Variants in CPNE8 observed in about 807,000 individuals in gnomAD.
The protein encoded by CPNE8 is copine 8.
CPNE8 carries 45 observed loss-of-function variants against 81.5 expected under a neutral mutation model. That is an observed-to-expected ratio of 0.55 (90% confidence interval 0.44 to 0.71). The LOEUF is 0.71. Ranked by LOEUF, CPNE8 falls within the 30% of genes least tolerant of loss-of-function variation. The probability of loss-of-function intolerance (pLI) is 0.00; values close to 1 mark genes in which losing one functional copy is unlikely to be tolerated. For synonymous variants in CPNE8, 252 were observed against 226.3 expected, an observed-to-expected ratio of 1.11 and a Z score of -1.02; for missense variants, 594 against 672.1, an observed-to-expected ratio of 0.88 and a Z score of 1.28.
intron 3 of CPNE8, among the ~76,000 whole-genome samples, chr12:38,856,965 T>A (rs956011353): frequency 6.6e-6 from 1 of 151,212 alleles, no homozygotes; most frequent in Admixed American, 6.6e-5. Context: ...GTATCAGGGT[T>A]TTTTTTTTCA....
chr12:38,897,585 G>A (rs530438489), intron 1 of CPNE8, among the ~76,000 whole-genome samples: 1 of 150,424 alleles, frequency 6.6e-6, no homozygotes, highest in South Asian at 2.1e-4. Context: ...AAAAGTACAG[G>A]AAAAATATTG....
intron 13 of CPNE8, among the ~76,000 whole-genome samples, chr12:38,704,987 A>T (rs1940070342): frequency 7.0e-6 from 1 of 142,426 alleles, no homozygotes; most frequent in Non-Finnish European, 1.5e-5. Flanking sequence ...CACTTTTTTG[A>T]GTATACCTAT....
At chr12:38,678,862 A>G (rs957438336) in intron 16 of CPNE8, among the ~76,000 whole-genome samples, 8 of 151,850 alleles carry the variant, frequency 5.3e-5, no homozygotes, top group African/African-American at 1.7e-4. Flanking sequence ...AAATATCCCC[A>G]TAATACTGAA....
Position 38,653,937 on chromosome 12 carries a change from G to A in CPNE8, c.1640C>T (p.Ser547Leu), listed in dbSNP as rs146804518. 1.5e-5 allele frequency: 25 copies of A among 1,613,546 alleles called. No individual in the cohort carries two copies. The highest frequency in any genetic ancestry group is 2.1e-5 in the Non-Finnish European group (25 of 1,179,930). The change falls in exon 20 of 20, where the codon TCA becomes TTA. Residue 547 changes from serine to leucine, a missense_variant. Ser to Leu is a moderately radical substitution (Grantham distance 145). Transcript: ENST00000331366. Reference protein sequence around the residue: ...SYMRARGIKPSPAPPPYTPPT... With the variant: ...SYMRARGIKPLPAPPPYTPPT... ...TGGGGTGTATGGGGGAGGCGCAGGT[G>A]ATGGCTTGATTCCTCGGGCTCTCAT...
chr12:38,817,384 C>T (rs983154804), intron 6 of CPNE8, among the ~76,000 whole-genome samples: 1 of 152,066 alleles, frequency 6.6e-6, no homozygotes, highest in African/African-American at 2.4e-5. Flanking sequence ...TAGTTGAGCC[C>T]TGTTTATCTC....
intron 13 of CPNE8, among the ~76,000 whole-genome samples, chr12:38,720,104 C>T (rs897704389): frequency 5.9e-5 from 9 of 152,140 alleles, no homozygotes; most frequent in Non-Finnish European, 1.2e-4. Flanking sequence ...ATAAAAGCCT[C>T]AAGAAGCCAG....
intron 6 of CPNE8, among the ~76,000 whole-genome samples, chr12:38,780,570 G>A (rs1315505152): frequency 1.3e-5 from 2 of 152,004 alleles, no homozygotes; most frequent in Non-Finnish European, 2.9e-5. Context: ...AAACGTGAGA[G>A]ATGAAGAATA....
Position 38,704,826 on chromosome 12 carries a change from G to GTATA in CPNE8, c.915-1909_915-1906dup, listed in dbSNP as rs573232937. ...GGACCATCTGTGTGTGTATGTATGT[G>GTATA]TATATATATATATATATATATATAT... On this transcript the variant is annotated intron_variant, in intron 13 of 19. Coordinates refer to ENST00000331366, the MANE Select transcript of CPNE8 (RefSeq NM_153634.3). Among the ~76,000 whole-genome samples, 326 of 50,130 alleles carry GTATA rather than the reference G, an allele frequency of 6.5e-3. 9 individuals carry two copies. Among genetic ancestry groups the GTATA allele is most frequent in the African/African-American group, 0.014 (293 of 21,586 alleles). The allele number at this position is 50,130 out of a possible 152,430, so 32.9% of individuals were successfully genotyped here.
chr12:38,824,493 A>C (rs1290272025), intron 6 of CPNE8, among the ~76,000 whole-genome samples: 1 of 152,130 alleles, frequency 6.6e-6, no homozygotes, highest in Admixed American at 6.5e-5. Context: ...TTACAACACA[A>C]TCGCAATTAA....
chr12:38,828,145 A>G (rs1161606369), intron 6 of CPNE8, among the ~76,000 whole-genome samples: 1 of 152,184 alleles, frequency 6.6e-6, no homozygotes, highest in African/African-American at 2.4e-5. Flanking sequence ...TTAACGACAA[A>G]AAACAAAAGG....
intron 6 of CPNE8, among the ~76,000 whole-genome samples, chr12:38,813,614 G>C (rs1386938522): frequency 6.6e-6 from 1 of 152,182 alleles, no homozygotes; most frequent in East Asian, 1.9e-4. Context: ...GCATAAAGTT[G>C]ACTGTTAAAA....
At chr12:38,769,674 AACATTCTGTATACTT>A (rs1339848962) in intron 7 of CPNE8, among the ~76,000 whole-genome samples, 3 of 152,198 alleles carry the variant, frequency 2.0e-5, no homozygotes, top group African/African-American at 7.2e-5. Context: ...ACTTCCAAGA[AACATTCTGTATACTT>A]ACAATGCATA....
intron 4 of CPNE8, among the ~76,000 whole-genome samples, chr12:38,847,636 CT>C (rs1417507429): frequency 6.6e-6 from 1 of 152,010 alleles, no homozygotes; most frequent in Non-Finnish European, 1.5e-5. Flanking sequence ...AGTATAAGAT[CT>C]TTTTTAAACA....
chr12:38,726,766 G>A (rs1318034492), intron 11 of CPNE8, among the ~76,000 whole-genome samples: 1 of 152,096 alleles, frequency 6.6e-6, no homozygotes, highest in Non-Finnish European at 1.5e-5. Context: ...CTAAATTTTA[G>A]GAGTAACTTT....
intron 6 of CPNE8, among the ~76,000 whole-genome samples, chr12:38,778,037 A>C (rs1941971035): frequency 6.6e-6 from 1 of 152,204 alleles, no homozygotes; most frequent in Non-Finnish European, 1.5e-5. Context: ...ACATGGGACC[A>C]TCTACTTGCA....
At position 38,809,889 on chromosome 12, in the gene CPNE8, A is replaced by C. The variant is rs189231417; in HGVS notation, c.407+19490T>G. Among the ~76,000 whole-genome samples the C allele has an allele frequency of 5.1e-3, 772 of 152,318 alleles. 9 individuals are homozygous for C. Among genetic ancestry groups the C allele is most frequent in the African/African-American group, 0.017 (704 of 41,580 alleles). On this transcript the variant is annotated intron_variant, in intron 6 of 19. Coordinates refer to ENST00000331366, the MANE Select transcript of CPNE8 (RefSeq NM_153634.3). ...CAACACATGATGGGTCAAGCATAGG[A>C]TAACAGTTATATACATTCCAGTTCA...
intron 6 of CPNE8, among the ~76,000 whole-genome samples, chr12:38,787,750 G>A (rs2136920722): frequency 6.6e-6 from 1 of 151,646 alleles, no homozygotes; most frequent in East Asian, 1.9e-4. Flanking sequence ...AATCAGAGAT[G>A]AAAGACAAGA....
chr12:38,823,544 G>A (rs1943140623), intron 6 of CPNE8, among the ~76,000 whole-genome samples: 1 of 152,108 alleles, frequency 6.6e-6, no homozygotes, highest in Non-Finnish European at 1.5e-5. Context: ...AACAGCTGCT[G>A]GTACCATTAC....
At chr12:38,798,497 G>A (rs940956233) in intron 6 of CPNE8, among the ~76,000 whole-genome samples, 1 of 152,020 alleles carries the variant, frequency 6.6e-6, no homozygotes, top group Non-Finnish European at 1.5e-5. Flanking sequence ...ACAAGCAAAT[G>A]CTGAGAGATG....
Sources: allele counts gnomAD v4.1 joint callset (sites outside exome capture counted in the v4.1 genomes callset), GRCh38; gene constraint gnomAD v4.1.1; transcripts MANE v1.5; gene names NCBI Gene and HGNC (gene_info 2026-07-23, HGNC 2026-07-21).